The following GRXCR1 variants were observed in gnomAD, a reference collection of about 807,000 sequenced individuals.
The protein encoded by GRXCR1 is glutaredoxin and cysteine rich domain containing 1.
In GRXCR1, 27 loss-of-function variants were observed where a neutral mutation model predicts 27.3. The observed-to-expected ratio is 0.99, with a 90% CI of 0.73 to 1.37. GRXCR1 has a LOEUF of 1.37. Ranked by LOEUF, GRXCR1 falls within the 40% of genes most tolerant of loss-of-function variation. The pLI, the probability that GRXCR1 is intolerant of heterozygous loss-of-function variation, is 0.00. For missense variants in GRXCR1, 379 were observed against 354.4 expected, an observed-to-expected ratio of 1.07 and a Z score of -0.56; for synonymous variants, 122 against 131.1, an observed-to-expected ratio of 0.93 and a Z score of 0.47.
intron 2 of GRXCR1, among the ~76,000 whole-genome samples, chr4:43,012,718 G>T (rs1227010602): frequency 6.6e-6 from 1 of 152,050 alleles, no homozygotes; most frequent in Non-Finnish European, 1.5e-5. Context: ...AATAGTTGAA[G>T]TTATTTGTCC....
At position 43,020,340 on chromosome 4, in the gene GRXCR1, T is replaced by C. The variant is rs1207141573; in HGVS notation, c.628-14T>C. 5.1e-6 allele frequency: 8 copies of C among 1,571,370 alleles called. No individual in the cohort carries two copies. The highest frequency in any genetic ancestry group is 7.0e-6 in the Non-Finnish European group (8 of 1,141,272). ...CAAAAATGGATTTTTCTCCCTACTCTCTCTCGTTAATAGGGTGCTGAGAAA... is the reference window on the plus strand; with the variant it reads ...CAAAAATGGATTTTTCTCCCTACTCCCTCTCGTTAATAGGGTGCTGAGAAA... On this transcript the variant is annotated splice_polypyrimidine_tract_variant and intron_variant, in intron 2 of 3. Transcript: ENST00000399770.
At chr4:42,895,995 G>T (rs188960879) in intron 1 of GRXCR1, among the ~76,000 whole-genome samples, 3 of 152,210 alleles carry the variant, frequency 2.0e-5, no homozygotes, top group Admixed American at 1.3e-4. Context: ...TTTGATTAAG[G>T]TTTCAATGCA....
chr4:42,963,802 CT>C (rs1748180912), intron 2 of GRXCR1, among the ~76,000 whole-genome samples: 1 of 151,952 alleles, frequency 6.6e-6, no homozygotes, highest in Non-Finnish European at 1.5e-5. Flanking sequence ...AGAGAGTACA[CT>C]TTGGAAAAGG....
At chr4:43,013,825 C>T (rs569411458) in intron 2 of GRXCR1, among the ~76,000 whole-genome samples, 53 of 151,956 alleles carry the variant, frequency 3.5e-4, no homozygotes, top group South Asian at 1.2e-3. Flanking sequence ...ATATTAATTC[C>T]GAAGGAATGG....
intron 3 of GRXCR1, among the ~76,000 whole-genome samples, chr4:43,024,733 TCAGG>T (rs1713201115): frequency 6.6e-6 from 1 of 152,170 alleles, no homozygotes; most frequent in Non-Finnish European, 1.5e-5. Context: ...AGCAGCTTGG[TCAGG>T]CAGAGGGGTG....
chr4:42,935,286 C>T (rs142243302), intron 1 of GRXCR1, among the ~76,000 whole-genome samples: 19 of 151,800 alleles, frequency 1.3e-4, no homozygotes, highest in African/African-American at 3.4e-4. Flanking sequence ...ATCCTAGCAC[C>T]AAGAGATAGG....
intron 2 of GRXCR1, among the ~76,000 whole-genome samples, chr4:43,012,258 G>C (rs1712774720): frequency 6.6e-6 from 1 of 152,104 alleles, no homozygotes; most frequent in South Asian, 2.1e-4. Flanking sequence ...CTACAGTTTA[G>C]CTGTGGAATT....
chr4:42,901,710 T>C (rs1746464881), intron 1 of GRXCR1, among the ~76,000 whole-genome samples: 1 of 152,202 alleles, frequency 6.6e-6, no homozygotes, highest in Non-Finnish European at 1.5e-5. Flanking sequence ...GCTTATTTTG[T>C]ACATGAAAAG....
chr4:42,902,212 G>T (rs926115857), intron 1 of GRXCR1, among the ~76,000 whole-genome samples: 3 of 152,114 alleles, frequency 2.0e-5, no homozygotes, highest in Non-Finnish European at 4.4e-5. Context: ...AGAAGATTAA[G>T]CACCCCTAAT....
At chr4:42,995,106 G>C (rs1459454247) in intron 2 of GRXCR1, among the ~76,000 whole-genome samples, 1 of 151,924 alleles carries the variant, frequency 6.6e-6, no homozygotes, top group African/African-American at 2.4e-5. Context: ...ACATAAACTT[G>C]GGAATTACTT....
intron 2 of GRXCR1, among the ~76,000 whole-genome samples, chr4:42,978,899 A>T (rs1382825533): frequency 1.3e-5 from 2 of 152,016 alleles, no homozygotes; most frequent in Non-Finnish European, 2.9e-5. Flanking sequence ...TTTTTGTGAT[A>T]GTGAGTGAGT....
chr4:42,985,730 C>G (rs1381605395), intron 2 of GRXCR1, among the ~76,000 whole-genome samples: 2 of 151,908 alleles, frequency 1.3e-5, no homozygotes, highest in East Asian at 3.9e-4. Flanking sequence ...AGGTTATAAA[C>G]AAAGTTTCAA....
chr4:43,020,665 ACT>A (rs1039604557), intron 3 of GRXCR1, among the ~76,000 whole-genome samples: 11 of 152,258 alleles, frequency 7.2e-5, no homozygotes, highest in African/African-American at 2.4e-4. Context: ...TTTGATCCCA[ACT>A]CTCTGTAATA....
At chr4:42,897,694 AT>A (rs1161197372) in intron 1 of GRXCR1, among the ~76,000 whole-genome samples, 9 of 152,186 alleles carry the variant, frequency 5.9e-5, no homozygotes, top group South Asian at 4.1e-4. Context: ...TATACCTCAA[AT>A]TTAATGATGT....
intron 1 of GRXCR1, among the ~76,000 whole-genome samples, chr4:42,913,349 A>C (rs1292680733): frequency 6.6e-6 from 1 of 152,186 alleles, no homozygotes; most frequent in Admixed American, 6.5e-5. Context: ...TGAGATTGAC[A>C]ATGAAGTCCA....
chr4:42,971,211 A>T (rs1353904012), intron 2 of GRXCR1, among the ~76,000 whole-genome samples: 1 of 152,128 alleles, frequency 6.6e-6, no homozygotes, highest in African/African-American at 2.4e-5. Context: ...AGTCCATTCA[A>T]CAAGTTTCTA....
At chr4:42,945,740 A>T (rs1324416223) in intron 1 of GRXCR1, among the ~76,000 whole-genome samples, 1 of 152,158 alleles carries the variant, frequency 6.6e-6, no homozygotes, top group Non-Finnish European at 1.5e-5. Context: ...TAACATCTGC[A>T]CAAGCATTTA....
intron 1 of GRXCR1, among the ~76,000 whole-genome samples, chr4:42,948,841 T>G (rs1451110684): frequency 2.0e-5 from 3 of 152,094 alleles, no homozygotes; most frequent in South Asian, 2.1e-4. Context: ...TGGGGGACCC[T>G]TTAGCAGCCG....
At chr4:42,923,536 G>C (rs938250816) in intron 1 of GRXCR1, among the ~76,000 whole-genome samples, 1 of 152,068 alleles carries the variant, frequency 6.6e-6, no homozygotes, top group Non-Finnish European at 1.5e-5. Flanking sequence ...GTACAGAAAT[G>C]TTATTTTACC....
Sources: allele counts gnomAD v4.1 joint callset (sites outside exome capture counted in the v4.1 genomes callset), GRCh38; gene constraint gnomAD v4.1.1; transcripts MANE v1.5; gene names NCBI Gene and HGNC (gene_info 2026-07-23, HGNC 2026-07-21).